AMZ2: variants seen among roughly 807,000 people sequenced by gnomAD.
AMZ2 encodes archaemetzincin-2.
Under a neutral mutation model 36.7 loss-of-function variants are expected in AMZ2, and 26 were observed. The ratio of observed to expected loss-of-function variants is 0.71; its 90% CI spans 0.52 to 0.98. AMZ2 has a LOEUF of 0.98. Ranked by LOEUF, AMZ2 falls within the 50% of genes least tolerant of loss-of-function variation. The pLI is 0.00. For synonymous variants in AMZ2, 144 were observed against 149.1 expected, an observed-to-expected ratio of 0.97 and a Z score of 0.25; for missense variants, 394 against 430.5, an observed-to-expected ratio of 0.92 and a Z score of 0.75.
chr17:68,210,418 A>T (rs1347342882), intron 1 of AMZ2, among the ~76,000 whole-genome samples: 3 of 152,220 alleles, frequency 2.0e-5, no homozygotes, highest in Non-Finnish European at 4.4e-5. Context: ...TGCTAAGCGA[A>T]ATAAGCCAGT....
At chr17:68,242,922 T>C (rs2073931866) in intron 1 of AMZ2, among the ~76,000 whole-genome samples, 1 of 151,018 alleles carries the variant, frequency 6.6e-6, no homozygotes. Flanking sequence ...TGCATACCTG[T>C]AATCCAAGCT....
chr17:68,247,669 T>G (rs1555736256), upstream of AMZ2: 1 of 985,356 alleles, frequency 1.0e-6, no homozygotes, highest in Admixed American at 6.1e-5. Context: ...GGGGCCACGC[T>G]GGTTGCATTC....
intron 1 of AMZ2, chr17:68,207,313 A>ACCCCCCCCCCC (rs10678271): frequency 9.0e-6 from 1 of 110,654 alleles, no homozygotes; most frequent in Non-Finnish European, 1.9e-5. Flanking sequence ...TTTGTTAAAT[A>ACCCCCCCCCCC]CCCCCCCCCC....
chr17:68,229,803 G>A (rs1246440305), intron 1 of AMZ2, among the ~76,000 whole-genome samples: 4 of 152,214 alleles, frequency 2.6e-5, no homozygotes, highest in Admixed American at 2.6e-4. Flanking sequence ...CAGGGGTCCG[G>A]GCTGGTGTAG....
intron 1 of AMZ2, among the ~76,000 whole-genome samples, chr17:68,210,333 A>G (rs569694214): frequency 1.3e-5 from 2 of 152,382 alleles, no homozygotes; most frequent in African/African-American, 4.8e-5. Flanking sequence ...TGATTGATCC[A>G]TATAACAGAT....
At chr17:68,218,048 G>A (rs1396249511) in intron 1 of AMZ2, among the ~76,000 whole-genome samples, 4 of 151,984 alleles carry the variant, frequency 2.6e-5, no homozygotes, top group South Asian at 2.1e-4. Context: ...TCCTGACCTC[G>A]TGATCTGCCT....
intron 1 of AMZ2, chr17:68,206,350 C>G: frequency 1.8e-6 from 2 of 1,107,478 alleles, no homozygotes; most frequent in Non-Finnish European, 2.3e-6. Context: ...CCCCGCCTCC[C>G]CCCCAAACAG....
chr17:68,249,524 C>T, intron 1 of AMZ2: 1 of 152,316 alleles, frequency 6.6e-6, no homozygotes, highest in East Asian at 1.9e-4. Flanking sequence ...ATTTCAGACT[C>T]CTAGGCTCAA....
At chr17:68,255,353 C>T (rs2074819530) in intron 5 of AMZ2, among the ~76,000 whole-genome samples, 1 of 152,022 alleles carries the variant, frequency 6.6e-6, no homozygotes, top group African/African-American at 2.4e-5. Context: ...CGTCTGGAGA[C>T]ATTTTTGATT....
upstream of AMZ2, among the ~76,000 whole-genome samples, chr17:68,245,557 T>C (rs2144663967): frequency 6.6e-6 from 1 of 152,322 alleles, no homozygotes; most frequent in East Asian, 1.9e-4. Flanking sequence ...CCTGGTCAGT[T>C]ATTTAAGAAA....
upstream of AMZ2, among the ~76,000 whole-genome samples, chr17:68,244,802 C>T (rs1555734855): frequency 1.3e-5 from 2 of 152,076 alleles, no homozygotes; most frequent in Non-Finnish European, 1.5e-5. Flanking sequence ...GCCAAATTAG[C>T]AGGTAAGAAA....
At position 68,253,605 on chromosome 17, in the gene AMZ2, C is replaced by T. The variant is rs76693866; in HGVS notation, c.587-799C>T. ...GGGACGAGGTTATTCTGTCAAAAGC[C>T]GTGGTTTAAAGCATGGGCTTCAAGA... On this transcript the variant is annotated intron_variant, in intron 4 of 6. Coordinates refer to ENST00000359904, the MANE Select transcript of AMZ2 (RefSeq NM_016627.5). 1.5e-4 allele frequency among the ~76,000 whole-genome samples: 23 copies of T among 152,198 alleles called. No homozygotes were observed. The East Asian group carries it at 4.2e-3, about 28-fold the overall frequency.
chr17:68,228,665 C>A (rs2073577622), intron 1 of AMZ2, among the ~76,000 whole-genome samples: 1 of 152,250 alleles, frequency 6.6e-6, no homozygotes, highest in Non-Finnish European at 1.5e-5. Context: ...GAAGCAAAGT[C>A]CATCTGTTGG....
intron 1 of AMZ2, among the ~76,000 whole-genome samples, chr17:68,219,879 C>T (rs1399908291): frequency 6.6e-6 from 1 of 152,108 alleles, no homozygotes; most frequent in Non-Finnish European, 1.5e-5. Context: ...ATTCTTAGCT[C>T]CTCCACTCCA....
Position 68,248,414 on chromosome 17 carries a change from A to G in AMZ2, c.-292A>G, listed in dbSNP as rs2074175828. On this transcript the variant is annotated 5_prime_UTR_variant, in exon 1 of 7. Coordinates refer to ENST00000359904, the MANE Select transcript of AMZ2 (RefSeq NM_016627.5). ...CCCACAGTGCGAGTTGCTATAGGCA[A>G]CCAGCCAGGGTGGCCAGCTCCTTCC... 4 of 986,108 alleles carry G rather than the reference A, an allele frequency of 4.1e-6. No homozygotes were observed. Among genetic ancestry groups the G allele is most frequent in the South Asian group, 4.7e-5 (1 of 21,300 alleles). 61.1% of individuals were successfully genotyped at this position (986,108 alleles called of 1,614,324 possible).
At chr17:68,216,827 G>C (rs2073207766) in intron 1 of AMZ2, among the ~76,000 whole-genome samples, 1 of 152,122 alleles carries the variant, frequency 6.6e-6, no homozygotes, top group South Asian at 2.1e-4. Flanking sequence ...TCAGGAGTTT[G>C]AGACCATCCT....
chr17:68,251,547 G>A (rs2074476007), intron 4 of AMZ2, among the ~76,000 whole-genome samples: 1 of 152,174 alleles, frequency 6.6e-6, no homozygotes, highest in African/African-American at 2.4e-5. Flanking sequence ...CATACCTGTA[G>A]TCCTAGCTAC....
rs184330319 is a variant in AMZ2 at position 68,230,409 on chromosome 17, G to A, written c.-66-18231G>A. 2.3e-3 allele frequency among the ~76,000 whole-genome samples: 349 copies of A among 152,306 alleles called. 3 individuals carry two copies. Among genetic ancestry groups the A allele is most frequent in the African/African-American group, 8.2e-3 (339 of 41,576 alleles). On this transcript the variant is annotated intron_variant, in intron 1 of 7. Transcript: ENST00000674770. ...TTCTTCATCCAGCACCCTGAAGTGA[G>A]CCCCTCCATGCGTGCCCCTTGGCAC...
rs781806292 is a variant in AMZ2, at chr17:68,250,421, C to A, written c.234C>A (p.Tyr78Ter). The A allele has an allele frequency of 3.7e-6, 6 of 1,614,088 alleles. No individual in the cohort carries two copies. The highest frequency in any genetic ancestry group is 1.6e-4 in the Middle Eastern group (1 of 6,084). Residue 78 changes from tyrosine to a stop codon, truncating the protein, a stop_gained, in exon 2 of 7, where the codon TAC becomes TAA. Coordinates refer to ENST00000359904, the MANE Select transcript of AMZ2 (RefSeq NM_016627.5). LOFTEE classifies it high-confidence loss of function. ...QDFEQFFSDPYRKTPSPNKRS... is the reference protein window; with the variant it reads ...QDFEQFFSDP ...TTGAACAGTTCTTCAGTGATCCTTA[C>A]AGAAAGACACCCTCTCCAAACAAAC...
Sources: gnomAD v4.1 joint callset for allele counts (sites outside exome capture counted in the v4.1 genomes callset) on GRCh38, gnomAD v4.1.1 for gene constraint, MANE v1.5 for transcripts, NCBI Gene and HGNC (gene_info 2026-07-23, HGNC 2026-07-21) for gene names.